Variants in COL6A1 observed in about 807,000 individuals in gnomAD.
The protein encoded by COL6A1 is collagen type VI alpha 1 chain.
Under a neutral mutation model 145.6 loss-of-function variants are expected in COL6A1, and 80 were observed. The ratio of observed to expected loss-of-function variants is 0.55; its 90% CI spans 0.46 to 0.66. COL6A1 has a LOEUF of 0.66. COL6A1 is among the 30% of genes least tolerant of loss of function. The pLI is 0.00. For synonymous variants in COL6A1, 638 were observed against 622.8 expected (o/e 1.02, Z -0.36); for missense variants, 1,364 against 1,473.8 (o/e 0.93, Z 1.22).
intron 15 of COL6A1, 37 bp downstream of exon 15, chr21:45,991,078 C>T (rs761239990): frequency 6.2e-7 from 1 of 1,607,468 alleles, no homozygotes; most frequent in Non-Finnish European, 8.5e-7. Context: ...CCAGGGCCTT[C>T]ACGGTTGGCC....
rs754503800 is a variant in COL6A1, at chr21:45,990,307, G to T, written c.957+23G>T. Reference sequence around the variant, plus strand: ...AAGGTGAGCGTGGGCTGCTGGGAGGGGGGAGTTCTGCCCCCACGGCAGCAT... The same window carrying T: ...AAGGTGAGCGTGGGCTGCTGGGAGGTGGGAGTTCTGCCCCCACGGCAGCAT... On this transcript the variant is annotated intron_variant, in intron 12 of 34. Transcript: ENST00000361866. The T allele has an allele frequency of 8.1e-6, 13 of 1,612,664 alleles. No individual in the cohort carries two copies. The highest frequency in any genetic ancestry group is 1.3e-5 in the African/African-American group (1 of 74,862).
chr21:45,982,733 C>T lies in COL6A1; in HGVS notation c.197C>T (p.Thr66Ile). The T allele has an allele frequency of 1.2e-6, 2 of 1,612,776 alleles. No homozygotes were observed. Among genetic ancestry groups the T allele is most frequent in the South Asian group, 1.1e-5 (1 of 91,084 alleles). ...GALVDKVKSF[T>I]KRFIDNLRDR... is the part of the protein sequence containing the mutation. ...CTCGTGGACAAAGTCAAGTCCTTCA[C>T]CAAGCGCTTCATCGACAACCTGAGG... The change falls in exon 2 of 35, where the codon ACC becomes ATC. Residue 66 changes from threonine (T) to isoleucine (I), a missense_variant. This residue lies in a region of COL6A1 where 414 missense variants were observed against 437.6 expected (regional missense o/e 0.95). Coordinates refer to ENST00000361866, the MANE Select transcript of COL6A1 (RefSeq NM_001848.3).
Position 45,997,854 on chromosome 21 carries a change from T to C in COL6A1, c.1524+92T>C, listed in dbSNP as rs1039706449. On this transcript the variant is annotated intron_variant, in intron 22 of 34. Transcript: ENST00000361866. ...CCCCGCACTGTGGAGCTGCCTGGGG[T>C]CCCTGACCGGGCCGGGAGTGCCCGC... The C allele has an allele frequency of 5.7e-6, 8 of 1,408,286 alleles. No homozygotes were observed. In the African/African-American group the frequency reaches 5.8e-5, roughly 10 times the overall value. The allele number at this position is 1,408,286 out of a possible 1,614,324, so 87.2% of individuals were successfully genotyped here.
intron 19 of COL6A1, among the ~76,000 whole-genome samples, chr21:45,993,887 G>A (rs549857587): frequency 1.6e-4 from 24 of 152,360 alleles, no homozygotes; most frequent in East Asian, 1.9e-4. Flanking sequence ...CCGGGTCCAC[G>A]GAGCTTGCTG....
intron 27 of COL6A1, 82 bp downstream of exon 27, chr21:45,999,774 T>A: frequency 8.5e-6 from 7 of 823,292 alleles, no homozygotes; most frequent in Non-Finnish European, 1.3e-5. Flanking sequence ...CCATGGGTGC[T>A]CCTGTAGACG....
At chr21:45,984,927 AACAGAG>A (rs1194971270) in intron 3 of COL6A1, among the ~76,000 whole-genome samples, 1 of 141,410 alleles carries the variant, frequency 7.1e-6, no homozygotes, top group Non-Finnish European at 1.5e-5. Flanking sequence ...GAGACAGACA[AACAGAG>A]ACAGAGAGAC....
intron 18 of COL6A1, 85 bp downstream of exon 18, chr21:45,992,483 G>C: frequency 6.7e-7 from 1 of 1,496,256 alleles, no homozygotes; most frequent in Middle Eastern, 1.9e-4. Context: ...GGCCCTCCCA[G>C]CACTGAGAGC....
intron 14 of COL6A1, 74 bp downstream of exon 14, chr21:45,990,900 C>A: frequency 6.2e-7 from 1 of 1,609,028 alleles, no homozygotes; most frequent in East Asian, 2.2e-5. Context: ...GTTTTGACTT[C>A]TGTCTGGGCG....
chr21:46,002,116 C>T (rs761862967), intron 31 of COL6A1, 46 bp downstream of exon 31: 20 of 1,586,284 alleles, frequency 1.3e-5, no homozygotes, highest in African/African-American at 4.0e-5. Flanking sequence ...TCGCCCCGAC[C>T]GCTGTTCCCA....
intron 2 of COL6A1, 135 bp from the exon 3 acceptor site, chr21:45,984,134 A>T: frequency 1.1e-6 from 1 of 931,578 alleles, no homozygotes; most frequent in African/African-American, 1.6e-5. Context: ...TCAGGGCCAC[A>T]GGGCAAGTCC....
intron 1 of COL6A1, 34 bp downstream of exon 1, chr21:45,981,981 C>T: frequency 2.0e-6 from 3 of 1,530,014 alleles, no homozygotes; most frequent in Non-Finnish European, 2.7e-6. Context: ...GCTCCAGACC[C>T]CCCGCTCTTT....
Position 45,984,252 on chromosome 21 carries a change from G to C in COL6A1, c.228-17G>C, listed in dbSNP as rs528620355. ...AGGGGCCGCCCGCCTCACGCCCGCC[G>C]TGCCTGTTCCTGGCAGGTACTACCG... On this transcript the variant is annotated splice_polypyrimidine_tract_variant and intron_variant, in intron 2 of 34. Coordinates refer to ENST00000361866, the MANE Select transcript of COL6A1 (RefSeq NM_001848.3). 2 of 1,597,198 alleles carry C rather than the reference G, an allele frequency of 1.3e-6. No homozygotes were observed. The highest frequency in any genetic ancestry group is 1.7e-5 in the Admixed American group (1 of 57,922).
intron 26 of COL6A1, 182 bp from the exon 27 acceptor site, chr21:45,999,475 A>G: frequency 1.3e-6 from 1 of 752,764 alleles, no homozygotes; most frequent in Non-Finnish European, 2.2e-6. Flanking sequence ...CTGGACCACC[A>G]GTGTGCGAAG....
chr21:45,992,926 C>T lies in COL6A1; in HGVS notation c.1335+116C>T, dbSNP rs2075893. 0.34 allele frequency: 319,237 copies of T among 928,246 alleles called. 58,474 individuals are homozygous for T. The highest frequency in any genetic ancestry group is 0.62 in the East Asian group (22,908 of 37,114). The allele number at this position is 928,246 out of a possible 1,614,324, so 57.5% of individuals were successfully genotyped here. Reference sequence around the variant, plus strand: ...TCATGAAGCCCCTGTGGCCCCTCAACGTGGCCAGCCCATCCCCACGCCGTC... The same window carrying T: ...TCATGAAGCCCCTGTGGCCCCTCAATGTGGCCAGCCCATCCCCACGCCGTC... On this transcript the variant is annotated intron_variant, in intron 19 of 34. Transcript: ENST00000361866.
rs145846228 is a variant in COL6A1, at chr21:46,003,711, G to A, written c.2785G>A (p.Glu929Lys). The A allele has an allele frequency of 3.1e-5, 50 of 1,612,928 alleles. No homozygotes were observed. Among genetic ancestry groups the A allele is most frequent in the African/African-American group, 1.1e-4 (8 of 74,950 alleles). Residue 929 changes from glutamate to lysine, a missense_variant, in exon 35 of 35, where the codon GAG (glutamate) becomes AAG (lysine). Glu to Lys is a moderately conservative substitution (Grantham distance 56). Transcript: ENST00000361866. ...ALGYVTRFYREASSGAAKKRL... is the reference protein window; with the variant it reads ...ALGYVTRFYRKASSGAAKKRL... ...GGGCTATGTGACCCGCTTCTACCGC[G>A]AGGCCTCGTCCGGCGCTGCCAAGAA...
Position 45,998,413 on chromosome 21 carries a change from A to G in COL6A1, c.1591A>G (p.Arg531Gly). The part of the protein sequence containing the change: ...FPGFPGYPGN[R>G]GAPGINGTKG... ...TCCATGACAGGGGTATCCGGGCAAC[A>G]GGGGCGCTCCCGGGATAAACGTGAG... Residue 531 changes from arginine to glycine, a missense_variant, in exon 24 of 35, where the codon AGG becomes GGG. Physicochemically the swap from Arg to Gly is moderately radical, Grantham distance 125 (BLOSUM62 -2). Transcript: ENST00000361866. The G allele has an allele frequency of 6.2e-7, 1 of 1,612,954 alleles. No homozygotes were observed.
rs905216939 is a variant in COL6A1 at position 45,994,550 on chromosome 21, G to A, written c.1398+321G>A. Among the ~76,000 whole-genome samples the A allele has an allele frequency of 7.2e-5, 11 of 152,140 alleles. No homozygotes were observed. The highest frequency in any genetic ancestry group is 2.4e-4 in the African/African-American group (10 of 41,420). On this transcript the variant is annotated intron_variant, in intron 20 of 34. Coordinates refer to ENST00000361866, the MANE Select transcript of COL6A1 (RefSeq NM_001848.3). This position sits in a 1 kb window ranked among gnomAD's most constrained non-coding sequence, Gnocchi z 6.8. ...GTGAGGAAGAGGTGTTGGAGCCCCT[G>A]GGAGACACTGGGAGCTTGGTCAGCA...
At chr21:45,997,310 A>C in intron 20 of COL6A1, 111 bp from the exon 21 acceptor site, 1 of 1,010,856 alleles carries the variant, frequency 9.9e-7, no homozygotes, top group African/African-American at 1.6e-5. Flanking sequence ...GACTGGGGCC[A>C]GAGCCTGGGG....
At chr21:45,986,456 G>T in intron 3 of COL6A1, 70 bp from the exon 4 acceptor site, 1 of 1,496,796 alleles carries the variant, frequency 6.7e-7, no homozygotes, top group Non-Finnish European at 9.1e-7. Flanking sequence ...AGCACCTCCC[G>T]GACAGGCTTG....
Sources: allele counts gnomAD v4.1 joint callset (sites outside exome capture counted in the v4.1 genomes callset), GRCh38; gene constraint gnomAD v4.1.1; regional missense constraint gnomAD v4.1.1; non-coding constraint Gnocchi (gnomAD v3.1); transcripts MANE v1.5; gene names NCBI Gene and HGNC (gene_info 2026-07-23, HGNC 2026-07-21).